The following GRID2 variants were observed in gnomAD, a reference collection of about 807,000 sequenced individuals.
GRID2 encodes the protein glutamate receptor ionotropic, delta-2.
A neutral mutation model predicts 114.8 loss-of-function variants in GRID2; 33 were observed. The observed-to-expected ratio is 0.29, with a 90% CI of 0.22 to 0.38. The LOEUF (loss-of-function observed/expected upper bound fraction) is 0.38, where lower values mean the gene tolerates loss of function less well. Ranked by LOEUF, GRID2 falls within the 10% of genes least tolerant of loss-of-function variation. The probability of loss-of-function intolerance (pLI) is 1.00; values close to 1 mark genes in which losing one functional copy is unlikely to be tolerated. For synonymous variants in GRID2, 505 were observed against 449.9 expected (o/e 1.12, Z -1.55); for missense variants, 1,184 against 1,257.7 (o/e 0.94, Z 0.89).
chr4:93,272,915 T>A (rs1751621937), intron 8 of GRID2, among the ~76,000 whole-genome samples: 1 of 152,188 alleles, frequency 6.6e-6, no homozygotes, highest in Admixed American at 6.5e-5. Context: ...GACAAAATTG[T>A]TTGCTACATG....
intron 2 of GRID2, among the ~76,000 whole-genome samples, chr4:93,070,926 C>T (rs954424789): frequency 1.7e-4 from 26 of 151,978 alleles, no homozygotes; most frequent in Non-Finnish European, 3.1e-4. Flanking sequence ...TAATTTATTA[C>T]GTTATACTCA....
intron 1 of GRID2, among the ~76,000 whole-genome samples, chr4:92,503,147 T>C (rs979935784): frequency 2.0e-5 from 3 of 152,146 alleles, no homozygotes; most frequent in Admixed American, 1.3e-4. Context: ...ACTAATTATG[T>C]ACATGCTATA....
At chr4:92,714,063 C>T (rs1350079280) in intron 2 of GRID2, among the ~76,000 whole-genome samples, 13 of 152,146 alleles carry the variant, frequency 8.5e-5, no homozygotes, top group Admixed American at 8.5e-4. Flanking sequence ...GTCCCTTCCA[C>T]CTATCAGCCT....
At chr4:93,250,263 C>A (rs1748714212) in intron 8 of GRID2, among the ~76,000 whole-genome samples, 1 of 152,050 alleles carries the variant, frequency 6.6e-6, no homozygotes, top group African/African-American at 2.4e-5. Context: ...CCAAACACTG[C>A]ATGTTCTCAC....
intron 2 of GRID2, among the ~76,000 whole-genome samples, chr4:92,796,362 G>T (rs1347661085): frequency 2.0e-5 from 3 of 151,726 alleles, no homozygotes. Context: ...CCTGATTCAG[G>T]GACAATCAAT....
At chr4:93,440,426 A>G (rs1335379220) in intron 10 of GRID2, among the ~76,000 whole-genome samples, 1 of 152,108 alleles carries the variant, frequency 6.6e-6, no homozygotes, top group African/African-American at 2.4e-5. Flanking sequence ...TCATTCTTAC[A>G]TGAGATTAAA....
chr4:93,329,456 A>C (rs1242603536), intron 8 of GRID2, among the ~76,000 whole-genome samples: 1 of 152,110 alleles, frequency 6.6e-6, no homozygotes, highest in Non-Finnish European at 1.5e-5. Flanking sequence ...CTTTAGATTC[A>C]AGATCTGAGT....
chr4:93,662,156 A>G (rs1001625143), intron 14 of GRID2, among the ~76,000 whole-genome samples: 1 of 152,112 alleles, frequency 6.6e-6, no homozygotes, highest in Admixed American at 6.5e-5. Flanking sequence ...AAATATCTAA[A>G]TGGCTTACTC....
At chr4:92,864,744 G>A (rs1162296195) in intron 2 of GRID2, among the ~76,000 whole-genome samples, 3 of 152,142 alleles carry the variant, frequency 2.0e-5, no homozygotes, top group African/African-American at 7.2e-5. Flanking sequence ...AAAGATACAA[G>A]TTCACCAGTG....
chr4:92,413,266 T>C (rs1375966391), intron 1 of GRID2, among the ~76,000 whole-genome samples: 3 of 152,202 alleles, frequency 2.0e-5, no homozygotes, highest in Non-Finnish European at 2.9e-5. Flanking sequence ...GCATTTCCTA[T>C]ATTTTCATTG....
chr4:92,594,257 T>C (rs1470345605), intron 2 of GRID2, among the ~76,000 whole-genome samples: 1 of 151,910 alleles, frequency 6.6e-6, no homozygotes, highest in African/African-American at 2.4e-5. Context: ...AGATTTATGT[T>C]TTGATATTTA....
intron 1 of GRID2, among the ~76,000 whole-genome samples, chr4:92,357,480 C>T (rs1034867243): frequency 6.6e-6 from 1 of 151,802 alleles, no homozygotes; most frequent in Non-Finnish European, 1.5e-5. Flanking sequence ...AGTACTTTCA[C>T]TCTGTTGGTA....
chr4:92,747,193 TAA>T (rs1737191517), intron 2 of GRID2, among the ~76,000 whole-genome samples: 2 of 151,944 alleles, frequency 1.3e-5, no homozygotes, highest in South Asian at 4.1e-4. Flanking sequence ...GGCAAAACAA[TAA>T]GACAGGTTAC....
At chr4:93,669,908 A>C (rs1254383128) in intron 14 of GRID2, among the ~76,000 whole-genome samples, 1 of 152,170 alleles carries the variant, frequency 6.6e-6, no homozygotes, top group Admixed American at 6.6e-5. Flanking sequence ...CGTTTTTCAG[A>C]GCACCACTTG....
intron 2 of GRID2, among the ~76,000 whole-genome samples, chr4:93,001,036 C>A (rs1034117635): frequency 6.6e-5 from 10 of 151,242 alleles, no homozygotes; most frequent in South Asian, 2.1e-4. Flanking sequence ...TTAGAAAATA[C>A]AAGAGTAAAA....
At chr4:93,025,094 T>C (rs971983602) in intron 2 of GRID2, among the ~76,000 whole-genome samples, 1 of 148,468 alleles carries the variant, frequency 6.7e-6, no homozygotes, top group Admixed American at 6.8e-5. Flanking sequence ...TGAAGGAAGA[T>C]AGAAAGTAAA....
At chr4:92,696,167 G>A (rs1233513685) in intron 2 of GRID2, among the ~76,000 whole-genome samples, 3 of 151,924 alleles carry the variant, frequency 2.0e-5, no homozygotes, top group Non-Finnish European at 4.4e-5. Context: ...TTCTTCTCTT[G>A]ATATAAACCC....
intron 12 of GRID2, among the ~76,000 whole-genome samples, chr4:93,514,572 G>A (rs1022704969): frequency 1.3e-5 from 2 of 151,982 alleles, no homozygotes; most frequent in South Asian, 2.1e-4. Flanking sequence ...TCTAGCTCTC[G>A]CACTCACTGA....
chr4:92,617,596 A>G (rs779927159), intron 2 of GRID2, among the ~76,000 whole-genome samples: 4 of 151,574 alleles, frequency 2.6e-5, no homozygotes, highest in Non-Finnish European at 4.4e-5. Flanking sequence ...CACATTTTTT[A>G]TCCAGTAATC....
Sources: allele counts gnomAD v4.1 joint callset (sites outside exome capture counted in the v4.1 genomes callset), GRCh38; gene constraint gnomAD v4.1.1; transcripts MANE v1.5; gene names NCBI Gene and HGNC (gene_info 2026-07-23, HGNC 2026-07-21).